RBM17: variants seen among roughly 807,000 people sequenced by gnomAD.
The protein encoded by RBM17 is splicing factor 45.
RBM17 carries 7 observed loss-of-function variants against 53.2 expected under a neutral mutation model. The observed-to-expected ratio is 0.13, with a 90% CI of 0.07 to 0.25. The LOEUF (loss-of-function observed/expected upper bound fraction) is 0.25. RBM17 is among the 10% of genes least tolerant of loss of function. The pLI, the probability that RBM17 is intolerant of heterozygous loss-of-function variation, is 1.00. For synonymous variants in RBM17, 167 were observed against 178.1 expected (o/e 0.94, Z 0.50); for missense variants, 257 against 496.7 (o/e 0.52, Z 4.59).
Position 6,112,597 on chromosome 10 carries a change from G to A in RBM17, c.856+236G>A, listed in dbSNP as rs905617340. The A allele has an allele frequency of 5.7e-5, 30 of 527,332 alleles. 1 individual carries two copies. In the Admixed American group the frequency reaches 6.9e-4, roughly 12 times the overall value. The allele number at this position is 527,332 out of a possible 1,614,324, so 32.7% of individuals were successfully genotyped here. A position where few individuals can be genotyped will look rare whatever the true frequency, so the allele number is the denominator to read the frequency against. On this transcript the variant is annotated intron_variant, in intron 8 of 11. Transcript: ENST00000379888. This position sits in a 1 kb window ranked among gnomAD's most constrained non-coding sequence, Gnocchi z 4.4. The stretch of plus-strand genomic sequence containing the variant: ...TCATCTTTATTTTTTCAGAACAGAC[G>A]TAGAGAGATGAAGGCTTGTGGAGGA...
intron 6 of RBM17, among the ~76,000 whole-genome samples, chr10:6,109,752 C>T (rs551370514): frequency 2.0e-5 from 3 of 152,134 alleles, no homozygotes; most frequent in Non-Finnish European, 2.9e-5. Flanking sequence ...ATAAAAAAGA[C>T]GTTTGAGGAG....
intron 6 of RBM17, 66 bp from the exon 7 acceptor site, chr10:6,109,920 T>C (rs1163726147): frequency 7.7e-7 from 1 of 1,299,996 alleles, no homozygotes. Flanking sequence ...AAATAATTGA[T>C]ACAAGTGAGG....
At position 6,112,346 on chromosome 10, in the gene RBM17, G is replaced by A. The variant is rs1045876438; in HGVS notation, c.841G>A (p.Asp281Asn). 3 of 1,613,836 alleles carry A rather than the reference G, an allele frequency of 1.9e-6. No homozygotes were observed. Among genetic ancestry groups the A allele is most frequent in the African/African-American group, 1.3e-5 (1 of 74,898 alleles). ...GCGTGGCGGCAAGATCATCGTGGGC[G>A]ACGCCACAGAGAAAGGTGTGTCCCC... ...SKRGGKIIVG[D>N]ATEKDASKKS... The change falls in exon 8 of 12, where the codon GAC becomes AAC. Residue 281 changes from aspartate to asparagine, a missense_variant. Around this residue, in one of 6 missense-constraint regions of RBM17, gnomAD observed 49 missense variants for 114.8 expected, o/e 0.43. Transcript: ENST00000379888. The surrounding 1 kb of genome is among the most constrained non-coding windows in gnomAD (Gnocchi z 4.4).
At chr10:6,099,155 A>G (rs1840630970) in intron 2 of RBM17, among the ~76,000 whole-genome samples, 1 of 150,274 alleles carries the variant, frequency 6.7e-6, no homozygotes, top group Admixed American at 6.6e-5. Flanking sequence ...TTTGCAGGGA[A>G]GATGCAGGTG....
intron 2 of RBM17, among the ~76,000 whole-genome samples, chr10:6,100,659 G>C (rs1840656969): frequency 3.0e-5 from 1 of 32,810 alleles, no homozygotes; most frequent in Non-Finnish European, 6.7e-5. Flanking sequence ...ACTTTGGTAG[G>C]ATCCTGGTTC....
intron 5 of RBM17, chr10:6,108,412 C>G (rs1467727917): frequency 6.7e-6 from 3 of 450,214 alleles, no homozygotes; most frequent in African/African-American, 6.2e-5. Context: ...ATTGTTTTGC[C>G]TTAAAATTCA....
chr10:6,113,723 T>A, intron 9 of RBM17, 142 bp downstream of exon 9: 2 of 650,876 alleles, frequency 3.1e-6, no homozygotes, highest in Non-Finnish European at 2.7e-6. Flanking sequence ...TAAGGCTGAT[T>A]TTAGATTTTT....
At chr10:6,100,543 G>A (rs894241011) in intron 2 of RBM17, among the ~76,000 whole-genome samples, 1 of 152,184 alleles carries the variant, frequency 6.6e-6, no homozygotes, top group African/African-American at 2.4e-5. Context: ...ACAAGATAGT[G>A]TCAGAGGAAA....
At chr10:6,093,968 A>ATTTT (rs71390121) in intron 1 of RBM17, among the ~76,000 whole-genome samples, 13 of 93,268 alleles carry the variant, frequency 1.4e-4, no homozygotes, top group African/African-American at 1.8e-4. Flanking sequence ...CAAGTGTGGA[A>ATTTT]TTTTTTTTTT....
Position 6,098,556 on chromosome 10 carries a change from G to GTTTTTT in RBM17, c.123+1369_123+1374dup, listed in dbSNP as rs1221504658. ...GTTTGAAAATTTCCGTAATACACAG[G>GTTTTTT]TTTTTTGTTTTTTTTTTTTTTTTTT... On this transcript the variant is annotated intron_variant, in intron 2 of 11. Coordinates refer to ENST00000379888, the MANE Select transcript of RBM17 (RefSeq NM_032905.5). 3.5e-4 allele frequency among the ~76,000 whole-genome samples: 31 copies of GTTTTTT among 87,970 alleles called. 4 individuals are homozygous for GTTTTTT. Among genetic ancestry groups the GTTTTTT allele is most frequent in the African/African-American group, 9.7e-4 (24 of 24,784 alleles). 57.7% of individuals were successfully genotyped at this position (87,970 alleles called of 152,430 possible).
chr10:6,115,697 T>TC lies in RBM17; in HGVS notation c.*144dup. On this transcript the variant is annotated 3_prime_UTR_variant, in exon 12 of 12. Transcript: ENST00000379888. The stretch of plus-strand genomic sequence containing the variant: ...GACTTCTAAGATATATGTTGATTGA[T>TC]CCCTTTTTTATTTTGTGGTTTTTTA... 2 of 533,682 alleles carry TC rather than the reference T, an allele frequency of 3.7e-6. No individual in the cohort carries two copies. The highest frequency in any genetic ancestry group is 6.6e-6 in the Non-Finnish European group (2 of 301,446). The allele number at this position is 533,682 out of a possible 1,614,324, so 33.1% of individuals were successfully genotyped here.
At chr10:6,090,657 G>T (rs1395199493) in intron 1 of RBM17, among the ~76,000 whole-genome samples, 1 of 152,102 alleles carries the variant, frequency 6.6e-6, no homozygotes, top group Admixed American at 6.6e-5. Context: ...TCCCAGCAGG[G>T]AACAGATGAT....
chr10:6,099,275 G>A (rs1227553736), intron 2 of RBM17, among the ~76,000 whole-genome samples: 1 of 139,978 alleles, frequency 7.1e-6, no homozygotes, highest in South Asian at 2.3e-4. Context: ...AGTTAGTTTT[G>A]TGGGTTTTTT....
intron 3 of RBM17, among the ~76,000 whole-genome samples, chr10:6,101,999 A>G (rs2132945367): frequency 6.6e-6 from 1 of 151,512 alleles, no homozygotes; most frequent in East Asian, 2.0e-4. Context: ...AAATTGGGTT[A>G]TTGAGGATGA....
intron 9 of RBM17, 149 bp from the exon 10 acceptor site, chr10:6,113,900 C>G (rs557266964): frequency 1.6e-6 from 1 of 616,244 alleles, no homozygotes; most frequent in Non-Finnish European, 2.9e-6. Flanking sequence ...TTAAGAAATA[C>G]TAACTTTTGG....
chr10:6,093,379 C>T (rs938450615), intron 1 of RBM17, among the ~76,000 whole-genome samples: 5 of 152,098 alleles, frequency 3.3e-5, no homozygotes, highest in Non-Finnish European at 5.9e-5. Flanking sequence ...AGCACCACAC[C>T]TGGCTAGTTT....
rs1554835490 is a variant in RBM17 at position 6,107,500 on chromosome 10, T to TTTTTTTTTG, written c.506-1186_506-1185insTTTTTTTTG. ...GCCTCTTTTTTTTTTTTTTTTTTTT[T>TTTTTTTTTG]GGAGACACTCTTGCTCTGTTGCCCA... is the stretch of plus-strand genomic sequence containing the variant. On this transcript the variant is annotated intron_variant, in intron 5 of 11. Transcript: ENST00000379888. 2.3e-5 allele frequency among the ~76,000 whole-genome samples: 3 copies of TTTTTTTTTG among 131,926 alleles called. No individual in the cohort carries two copies. In the East Asian group the frequency reaches 7.4e-4, roughly 33 times the overall value. 86.5% of individuals were successfully genotyped at this position (131,926 alleles called of 152,430 possible). A position where few individuals can be genotyped will look rare whatever the true frequency, so the allele number is the denominator to read the frequency against.
Position 6,089,554 on chromosome 10 carries a change from C to T in RBM17, c.-19+361C>T, listed in dbSNP as rs1840448063. 2 of 152,790 alleles carry T rather than the reference C, an allele frequency of 1.3e-5. No homozygotes were observed. Among genetic ancestry groups the T allele is most frequent in the African/African-American group, 4.8e-5 (2 of 41,460 alleles). The allele number at this position is 152,790 out of a possible 1,614,324, so 9.5% of individuals were successfully genotyped here. On this transcript the variant is annotated intron_variant, in intron 1 of 11. Transcript: ENST00000379888. The surrounding 1 kb of genome is among the most constrained non-coding windows in gnomAD (Gnocchi z 5.6). ...GACGAAATTGTCTGGTCACCAGAAC[C>T]GAGTAGCCCGTAGCGTGTCCCCCCT...
In RBM17 at chr10:6,108,810, G is replaced by C. The variant is rs1479419035; in HGVS notation, c.562+68G>C. 3 of 1,263,468 alleles carry C rather than the reference G, an allele frequency of 2.4e-6. No homozygotes were observed. In the African/African-American group the frequency reaches 4.5e-5, roughly 19 times the overall value. 78.3% of individuals were successfully genotyped at this position (1,263,468 alleles called of 1,614,324 possible). On this transcript the variant is annotated intron_variant, in intron 6 of 11. Transcript: ENST00000379888. ...TTTAACCCAACCATGGGGGATCTCA[G>C]CTTGGGCCCCCAGGTTTCCTGAGCG... is the stretch of plus-strand genomic sequence containing the variant.
Sources: gnomAD v4.1 joint callset for allele counts (sites outside exome capture counted in the v4.1 genomes callset) on GRCh38, gnomAD v4.1.1 for gene constraint, gnomAD v4.1.1 regional missense constraint, Gnocchi (gnomAD v3.1) non-coding constraint, MANE v1.5 for transcripts, NCBI Gene and HGNC (gene_info 2026-07-23, HGNC 2026-07-21) for gene names.